CHEK1: variants seen among roughly 807,000 people sequenced by gnomAD.
The protein encoded by CHEK1 is checkpoint kinase 1.
A neutral mutation model predicts 60.2 loss-of-function variants in CHEK1; 32 were observed. That is an observed-to-expected ratio of 0.53 (90% confidence interval 0.40 to 0.71). The LOEUF (loss-of-function observed/expected upper bound fraction) is 0.71, where lower values mean the gene tolerates loss of function less well. CHEK1 is among the 30% of genes least tolerant of loss of function. The pLI, the probability that CHEK1 is intolerant of heterozygous loss-of-function variation, is 0.00. For missense variants in CHEK1, 399 were observed against 564.6 expected (o/e 0.71, Z 2.97); for synonymous variants, 179 against 187.2 (o/e 0.96, Z 0.36).
At position 125,655,507 on chromosome 11, in the gene CHEK1, A is replaced by C; in HGVS notation, c.*187A>C. 1 of 421,238 alleles carries C rather than the reference A, an allele frequency of 2.4e-6. No individual in the cohort carries two copies. Among genetic ancestry groups the C allele is most frequent in the Non-Finnish European group, 4.2e-6 (1 of 239,516 alleles). The allele number at this position is 421,238 out of a possible 1,614,324, so 26.1% of individuals were successfully genotyped here. A position where few individuals can be genotyped will look rare whatever the true frequency, so the allele number is the denominator to read the frequency against. On this transcript the variant is annotated 3_prime_UTR_variant, in exon 13 of 13. Transcript: ENST00000438015. ...GGCATACAAATAATACCTATATCTTAATTGTAAGCAAAACTTTGGGGAAAG... is the reference window on the plus strand; with the variant it reads ...GGCATACAAATAATACCTATATCTTCATTGTAAGCAAAACTTTGGGGAAAG...
intron 8 of CHEK1, among the ~76,000 whole-genome samples, chr11:125,642,264 T>A (rs1941337377): frequency 6.6e-6 from 1 of 152,254 alleles, no homozygotes; most frequent in Admixed American, 6.5e-5. Context: ...ATTTTTAAAA[T>A]TTTTACTCTC....
chr11:125,627,327 A>G (rs978128116), intron 2 of CHEK1, among the ~76,000 whole-genome samples: 2 of 152,356 alleles, frequency 1.3e-5, no homozygotes, highest in African/African-American at 4.8e-5. Context: ...TAGAACATGT[A>G]TATATGTGAT....
chr11:125,650,685 C>T (rs1392859648), intron 11 of CHEK1, among the ~76,000 whole-genome samples: 1 of 152,066 alleles, frequency 6.6e-6, no homozygotes, highest in African/African-American at 2.4e-5. Context: ...AACTCCTGAC[C>T]TCAGGTGGCT....
At chr11:125,639,924 T>C (rs1490033791) in intron 8 of CHEK1, among the ~76,000 whole-genome samples, 1 of 152,210 alleles carries the variant, frequency 6.6e-6, no homozygotes, top group Non-Finnish European at 1.5e-5. Context: ...TCTCCTACAT[T>C]ATTAATTTTT....
At chr11:125,627,041 T>C (rs1161776650) in intron 2 of CHEK1, among the ~76,000 whole-genome samples, 2 of 152,216 alleles carry the variant, frequency 1.3e-5, no homozygotes, top group Non-Finnish European at 2.9e-5. Flanking sequence ...CACGAAGTTA[T>C]TGTTTCCATG....
downstream of CHEK1, among the ~76,000 whole-genome samples, chr11:125,680,064 A>G (rs557345471): frequency 6.6e-6 from 1 of 152,358 alleles, no homozygotes; most frequent in South Asian, 2.1e-4. Flanking sequence ...CTGTGTATCT[A>G]CATTTTTGAG....
downstream of CHEK1, chr11:125,678,277 C>T (rs758100709): frequency 3.7e-6 from 6 of 1,613,920 alleles, no homozygotes; most frequent in East Asian, 6.7e-5. Context: ...CCAGAAAGCT[C>T]ATTAGGCTGA....
In CHEK1 at chr11:125,635,517, C is replaced by A. The variant is rs1011779266; in HGVS notation, c.702C>A (p.Ile234=). The change falls in exon 7 of 13, where the codon ATC becomes ATA. Residue 234 remains isoleucine, a synonymous_variant. Coordinates refer to ENST00000438015, the MANE Select transcript of CHEK1 (RefSeq NM_001114122.3). ...CATACCTCAACCCTTGGAAAAAAAT[C>A]GATTCTGCTCCTCTAGGTAACTGAA... ...KKTYLNPWKK[I]DSAPLALLHK... The A allele has an allele frequency of 3.7e-6, 6 of 1,601,682 alleles. No homozygotes were observed. The highest frequency in any genetic ancestry group is 1.1e-5 in the South Asian group (1 of 88,328).
downstream of CHEK1, among the ~76,000 whole-genome samples, chr11:125,677,507 G>A (rs978288006): frequency 3.3e-5 from 5 of 152,166 alleles, no homozygotes; most frequent in Admixed American, 1.3e-4. Flanking sequence ...TAGGGAAGTC[G>A]GAAGGGCTGT....
chr11:125,678,088 G>C, downstream of CHEK1: 1 of 1,614,206 alleles, frequency 6.2e-7, no homozygotes. Flanking sequence ...CTCTCAGCAT[G>C]TTCTCCAGAA....
Position 125,626,022 on chromosome 11 carries a change from G to C in CHEK1, c.-21+10G>C. Reference sequence around the variant, plus strand: ...GGCAAAGGACAGTCCGGTGAGGAAGGGCGGCCGGTAGAGTAGGGAAGGTTT... The same window carrying C: ...GGCAAAGGACAGTCCGGTGAGGAAGCGCGGCCGGTAGAGTAGGGAAGGTTT... On this transcript the variant is annotated intron_variant, in intron 1 of 12. Transcript: ENST00000438015. 1 of 696,530 alleles carries C rather than the reference G, an allele frequency of 1.4e-6. No individual in the cohort carries two copies. Among genetic ancestry groups the C allele is most frequent in the Non-Finnish European group, 2.6e-6 (1 of 379,864 alleles). The allele number at this position is 696,530 out of a possible 1,614,324, so 43.1% of individuals were successfully genotyped here.
At chr11:125,658,685 C>CTTTTTTTTTTTTTTT (rs67342073), downstream of CHEK1, among the ~76,000 whole-genome samples, 2 of 34,874 alleles carry the variant, frequency 5.7e-5, 1 homozygote, top group Non-Finnish European at 9.9e-5. Flanking sequence ...ATGGCTTTTG[C>CTTTTTTTTTTTTTTT]TTTTTTTTTT....
Position 125,653,682 on chromosome 11 carries a change from T to C in CHEK1, c.1234-64T>C. ...TGAGAAACTTCTATTCTGTTCTTCA[T>C]AGTGGGTTTACTAGTTTATTATCTA... On this transcript the variant is annotated intron_variant, in intron 11 of 12. Coordinates refer to ENST00000438015, the MANE Select transcript of CHEK1 (RefSeq NM_001114122.3). The surrounding 1 kb of genome is among the most constrained non-coding windows in gnomAD (Gnocchi z 4.3). 4 of 777,164 alleles carry C rather than the reference T, an allele frequency of 5.1e-6. No individual in the cohort carries two copies. Among genetic ancestry groups the C allele is most frequent in the Non-Finnish European group, 8.7e-6 (4 of 458,792 alleles). 48.1% of individuals were successfully genotyped at this position (777,164 alleles called of 1,614,324 possible).
chr11:125,676,701 C>A (rs1002327731), downstream of CHEK1, among the ~76,000 whole-genome samples: 4 of 138,198 alleles, frequency 2.9e-5, no homozygotes, highest in African/African-American at 5.1e-5. Flanking sequence ...TCCCAAATTT[C>A]TCTCTCTAAT....
intron 11 of CHEK1, among the ~76,000 whole-genome samples, chr11:125,652,602 C>T (rs1001317275): frequency 4.6e-5 from 7 of 152,130 alleles, no homozygotes; most frequent in Non-Finnish European, 1.0e-4. Flanking sequence ...GTTGGGGACA[C>T]ACATACCCAC....
At chr11:125,668,698 G>A (rs1009746763) in intron 13 of CHEK1, among the ~76,000 whole-genome samples, 1 of 151,970 alleles carries the variant, frequency 6.6e-6, no homozygotes, top group African/African-American at 2.4e-5. Context: ...GACTATAGGC[G>A]CATGTCACCA....
chr11:125,662,714 T>C (rs1942039264), intron 13 of CHEK1, among the ~76,000 whole-genome samples: 1 of 152,242 alleles, frequency 6.6e-6, no homozygotes, highest in Admixed American at 6.5e-5. Flanking sequence ...TGTGTGAATA[T>C]AGTCTTTATT....
intron 13 of CHEK1, chr11:125,671,630 T>G (rs984271870): frequency 6.6e-6 from 1 of 152,250 alleles, no homozygotes. Context: ...TTCATTGTGG[T>G]GGAAACAGCT....
chr11:125,635,747 G>A, intron 7 of CHEK1: 1 of 304,560 alleles, frequency 3.3e-6, no homozygotes, highest in South Asian at 7.4e-5. Flanking sequence ...TTTGGGGAGT[G>A]TATATTCAGA....
Sources: gnomAD v4.1 joint callset for allele counts (sites outside exome capture counted in the v4.1 genomes callset) on GRCh38, gnomAD v4.1.1 for gene constraint, Gnocchi (gnomAD v3.1) non-coding constraint, MANE v1.5 for transcripts, NCBI Gene and HGNC (gene_info 2026-07-23, HGNC 2026-07-21) for gene names.